PPIP5K2: variants seen among roughly 807,000 people sequenced by gnomAD.
PPIP5K2 encodes the protein inositol hexakisphosphate and diphosphoinositol-pentakisphosphate kinase 2.
A neutral mutation model predicts 154.6 loss-of-function variants in PPIP5K2; 105 were observed. The ratio of observed to expected loss-of-function variants is 0.68; its 90% CI spans 0.58 to 0.80. The LOEUF is 0.80. PPIP5K2 is among the 30% of genes least tolerant of loss of function. The probability of loss-of-function intolerance (pLI) is 0.00; values close to 1 mark genes in which losing one functional copy is unlikely to be tolerated. For synonymous variants in PPIP5K2, 480 were observed against 490.3 expected (o/e 0.98, Z 0.28); for missense variants, 992 against 1,504.6 (o/e 0.66, Z 5.64).
At chr5:103,122,397 G>A (rs923207432) in intron 1 of PPIP5K2, among the ~76,000 whole-genome samples, 3 of 152,166 alleles carry the variant, frequency 2.0e-5, no homozygotes, top group Admixed American at 6.5e-5. Context: ...GTTTTTGAAT[G>A]GCGGATAGGA....
chr5:103,143,390 A>G (rs1793174898), intron 5 of PPIP5K2, among the ~76,000 whole-genome samples: 1 of 152,274 alleles, frequency 6.6e-6, no homozygotes, highest in African/African-American at 2.4e-5. Context: ...CTCACTGTGT[A>G]GCCCAGGCTG....
chr5:103,181,702 G>T (rs782816099), intron 24 of PPIP5K2, among the ~76,000 whole-genome samples: 1 of 152,070 alleles, frequency 6.6e-6, no homozygotes, highest in Non-Finnish European at 1.5e-5. Flanking sequence ...CAGTTCTGAA[G>T]AATTAGGTAT....
At chr5:103,122,600 A>C (rs1018393170) in intron 1 of PPIP5K2, among the ~76,000 whole-genome samples, 3 of 152,202 alleles carry the variant, frequency 2.0e-5, no homozygotes, top group Non-Finnish European at 1.5e-5. Context: ...TTTATTCCCT[A>C]TTACCTGGAT....
chr5:103,209,433 G>A lies in PPIP5K2; in HGVS notation c.*7799G>A, dbSNP rs1199381868. The A allele has an allele frequency of 2.0e-5, 3 of 151,984 alleles. No homozygotes were observed. Among genetic ancestry groups the A allele is most frequent in the African/African-American group, 7.3e-5 (3 of 41,370 alleles). The allele number at this position is 151,984 out of a possible 1,614,324, so 9.4% of individuals were successfully genotyped here. ...AAAAAAGTATTTAAATAAAATCAAG[G>A]ATACCATCCCACCCACCTATCTTAC... On this transcript the variant is annotated 3_prime_UTR_variant, in exon 31 of 31. Coordinates refer to ENST00000358359, the MANE Select transcript of PPIP5K2 (RefSeq NM_001276277.3).
intron 13 of PPIP5K2, among the ~76,000 whole-genome samples, 170 bp from the exon 14 acceptor site, chr5:103,155,739 A>C (rs1795325069): frequency 6.6e-6 from 1 of 151,958 alleles, no homozygotes; most frequent in Admixed American, 6.6e-5. Flanking sequence ...TAATTTTTAG[A>C]AAAACATTTT....
At chr5:103,167,430 C>G in intron 18 of PPIP5K2, 110 bp downstream of exon 18, 1 of 938,810 alleles carries the variant, frequency 1.1e-6, no homozygotes, top group Non-Finnish European at 1.5e-6. Context: ...CTCTTGAGAG[C>G]TATGTATAGT....
chr5:103,126,778 C>G (rs1554200876), intron 1 of PPIP5K2, among the ~76,000 whole-genome samples: 1 of 138,348 alleles, frequency 7.2e-6, no homozygotes, highest in Non-Finnish European at 1.5e-5. Flanking sequence ...GCCTTATATT[C>G]TAGCTGCACT....
At chr5:103,159,101 G>C (rs782817322) in intron 16 of PPIP5K2, 45 bp from the exon 17 acceptor site, 1 of 1,284,992 alleles carries the variant, frequency 7.8e-7, no homozygotes, top group Non-Finnish European at 1.1e-6. Context: ...ATTATTTTAC[G>C]TATTAATTTT....
At chr5:103,201,464 T>G in intron 30 of PPIP5K2, 58 bp from the exon 31 acceptor site, 2 of 1,022,418 alleles carry the variant, frequency 2.0e-6, no homozygotes, top group Middle Eastern at 2.9e-4. Context: ...TATTTGAACT[T>G]GGATTGTTTG....
chr5:103,189,152 T>TG (rs1469755745), intron 28 of PPIP5K2: 6 of 1,516,702 alleles, frequency 4.0e-6, no homozygotes, highest in Admixed American at 2.0e-5. Context: ...CCTTATTTTC[T>TG]GGGCCTCTGT....
At chr5:103,179,665 A>G (rs1554221957) in intron 23 of PPIP5K2, among the ~76,000 whole-genome samples, 1 of 152,140 alleles carries the variant, frequency 6.6e-6, no homozygotes, top group Non-Finnish European at 1.5e-5. Context: ...AGACTCCTAT[A>G]TAACAAAGCT....
chr5:103,145,868 A>G (rs1793675278), intron 5 of PPIP5K2, among the ~76,000 whole-genome samples: 1 of 152,090 alleles, frequency 6.6e-6, no homozygotes, highest in African/African-American at 2.4e-5. Flanking sequence ...TGAAATAACT[A>G]AAAGTGAAAT....
intron 21 of PPIP5K2, among the ~76,000 whole-genome samples, chr5:103,176,378 G>T (rs567640315): frequency 3.3e-5 from 5 of 151,864 alleles, no homozygotes; most frequent in African/African-American, 4.8e-5. Context: ...CTTACATTTA[G>T]TGAAACTCAG....
intron 21 of PPIP5K2, 130 bp from the exon 22 acceptor site, chr5:103,177,537 A>G: frequency 1.9e-6 from 1 of 536,860 alleles, no homozygotes; most frequent in Non-Finnish European, 3.2e-6. Context: ...TATTTTTTAA[A>G]ATTTTGCATA....
Position 103,151,294 on chromosome 5 carries a change from G to C in PPIP5K2, c.948G>C (p.Gln316His). ...TTGATTTGTTACGGGCCAATGGACA[G>C]TCCTATGTCTGTGATGTCAATGGCT... is the stretch of plus-strand genomic sequence containing the variant. ...CGFDLLRANGQSYVCDVNGFS... is the reference protein window; with the variant it reads ...CGFDLLRANGHSYVCDVNGFS... The change falls in exon 9 of 31, where the codon CAG becomes CAC. Residue 316 changes from glutamine to histidine, a missense_variant. Physicochemically the swap from Gln to His is conservative, Grantham distance 24. This residue lies in a region of PPIP5K2 where 163 missense variants were observed against 285.2 expected (regional missense o/e 0.57). Transcript: ENST00000358359. The C allele has an allele frequency of 6.2e-7, 1 of 1,610,536 alleles. No homozygotes were observed. Among genetic ancestry groups the C allele is most frequent in the Non-Finnish European group, 8.5e-7 (1 of 1,177,168 alleles).
chr5:103,140,836 C>CAAAAAA (rs34150862), intron 5 of PPIP5K2, among the ~76,000 whole-genome samples: 1 of 88,170 alleles, frequency 1.1e-5, no homozygotes, highest in Non-Finnish European at 2.4e-5. Flanking sequence ...GACTCCGTCT[C>CAAAAAA]AAAAAAAAAA....
In PPIP5K2 at chr5:103,151,186, G is replaced by A. The variant is rs1583307385; in HGVS notation, c.907-67G>A. On this transcript the variant is annotated intron_variant, in intron 8 of 30. Transcript: ENST00000358359. ...TTATAAAATTTGATATGTTCTGATA[G>A]GACTAGAAAACTGTGAATCTTAATA... 7 of 1,351,854 alleles carry A rather than the reference G, an allele frequency of 5.2e-6. No individual in the cohort carries two copies. In the Admixed American group the frequency reaches 6.5e-5, roughly 13 times the overall value. 83.7% of individuals were successfully genotyped at this position (1,351,854 alleles called of 1,614,324 possible). A position where few individuals can be genotyped will look rare whatever the true frequency, so the allele number is the denominator to read the frequency against.
chr5:103,193,957 C>T (rs887812017), intron 29 of PPIP5K2, among the ~76,000 whole-genome samples: 12 of 152,054 alleles, frequency 7.9e-5, no homozygotes, highest in Non-Finnish European at 1.6e-4. Context: ...GAAAGAAAAC[C>T]GGAAAGACTC....
chr5:103,142,199 C>T (rs1038464177), intron 5 of PPIP5K2, among the ~76,000 whole-genome samples: 7 of 152,220 alleles, frequency 4.6e-5, no homozygotes, highest in African/African-American at 7.2e-5. Flanking sequence ...AGCTAAGGCT[C>T]GGTGAGAAAT....
Sources: gnomAD v4.1 joint callset for allele counts (sites outside exome capture counted in the v4.1 genomes callset) on GRCh38, gnomAD v4.1.1 for gene constraint, gnomAD v4.1.1 regional missense constraint, MANE v1.5 for transcripts, NCBI Gene and HGNC (gene_info 2026-07-23, HGNC 2026-07-21) for gene names.